PCDHGC3: variants seen among roughly 807,000 people sequenced by gnomAD.
The protein encoded by PCDHGC3 is protocadherin gamma subfamily C, 3.
In PCDHGC3, 26 loss-of-function variants were observed where a neutral mutation model predicts 59.2. The ratio of observed to expected loss-of-function variants is 0.44; its 90% CI spans 0.32 to 0.61. PCDHGC3 has a LOEUF of 0.61. PCDHGC3 is among the 20% of genes least tolerant of loss of function. The pLI is 0.05. For synonymous variants in PCDHGC3, 487 were observed against 519.7 expected, an observed-to-expected ratio of 0.94 and a Z score of 0.86; for missense variants, 1,080 against 1,221.8, an observed-to-expected ratio of 0.88 and a Z score of 1.73.
chr5:141,497,840 C>T (rs1326804289), intron 2 of PCDHGC3, among the ~76,000 whole-genome samples: 1 of 152,154 alleles, frequency 6.6e-6, no homozygotes, highest in Non-Finnish European at 1.5e-5. Context: ...CCGGCCACAA[C>T]AAACATTTTT....
At chr5:141,502,024 C>G (rs2099812413) in intron 2 of PCDHGC3, among the ~76,000 whole-genome samples, 1 of 152,152 alleles carries the variant, frequency 6.6e-6, no homozygotes, top group African/African-American at 2.4e-5. Context: ...TCCCTGCAAC[C>G]CCCGCCGCTT....
rs768079276 is a variant in PCDHGC3, at chr5:141,490,997, G to A, written c.2431-3810G>A. On this transcript the variant is annotated intron_variant, in intron 1 of 3. Transcript: ENST00000308177. The surrounding 1 kb of genome is among the most constrained non-coding windows in gnomAD (Gnocchi z 5.4). ...CGTCTCCCTCGCTCTGCTCCTCCTG[G>A]CTCCTTGGTCACCAAGGTGACAGCC... 1.2e-6 allele frequency: 2 copies of A among 1,614,032 alleles called. No individual in the cohort carries two copies. Among genetic ancestry groups the A allele is most frequent in the Admixed American group, 1.7e-5 (1 of 60,030 alleles).
Position 141,491,536 on chromosome 5 carries a change from C to T in PCDHGC3, c.2431-3271C>T, listed in dbSNP as rs746800813. 1.2e-6 allele frequency: 2 copies of T among 1,614,006 alleles called. No individual in the cohort carries two copies. Among genetic ancestry groups the T allele is most frequent in the Admixed American group, 3.3e-5 (2 of 60,030 alleles). On this transcript the variant is annotated intron_variant, in intron 1 of 3. Coordinates refer to ENST00000308177, the MANE Select transcript of PCDHGC3 (RefSeq NM_002588.4). This position sits in a 1 kb window ranked among gnomAD's most constrained non-coding sequence, Gnocchi z 6.9. ...CAAGTACATGGAGGTGACGCTGCGG[C>T]CCACAGACTCGCAGAGCCACTGCTA...
chr5:141,491,438 G>A lies in PCDHGC3; in HGVS notation c.2431-3369G>A, dbSNP rs376927300. The A allele has an allele frequency of 3.7e-6, 6 of 1,614,066 alleles. No homozygotes were observed. Among genetic ancestry groups the A allele is most frequent in the Admixed American group, 1.7e-5 (1 of 60,016 alleles). On this transcript the variant is annotated intron_variant, in intron 1 of 3. Coordinates refer to ENST00000308177, the MANE Select transcript of PCDHGC3 (RefSeq NM_002588.4). This position sits in a 1 kb window ranked among gnomAD's most constrained non-coding sequence, Gnocchi z 6.9. ...GGGGGTGGAGGGCAGTGCTGCAGGC[G>A]CCAGGACTCACCCTCCCCGGACTTC...
intron 1 of PCDHGC3, among the ~76,000 whole-genome samples, chr5:141,488,675 T>C (rs888235928): frequency 2.6e-5 from 4 of 152,116 alleles, no homozygotes; most frequent in Admixed American, 1.3e-4. Flanking sequence ...TACATGGGCT[T>C]TGCCTCTCCC....
intron 3 of PCDHGC3, among the ~76,000 whole-genome samples, chr5:141,506,879 G>T (rs958969109): frequency 6.6e-6 from 1 of 152,172 alleles, no homozygotes; most frequent in Non-Finnish European, 1.5e-5. Flanking sequence ...AGAACCAGGT[G>T]AAATCACAAG....
Position 141,491,670 on chromosome 5 carries a change from C to T in PCDHGC3, c.2431-3137C>T. The T allele has an allele frequency of 2.5e-6, 4 of 1,613,768 alleles. No individual in the cohort carries two copies. Among genetic ancestry groups the T allele is most frequent in the South Asian group, 1.1e-5 (1 of 91,082 alleles). On this transcript the variant is annotated intron_variant, in intron 1 of 3. Coordinates refer to ENST00000308177, the MANE Select transcript of PCDHGC3 (RefSeq NM_002588.4). The surrounding 1 kb of genome is among the most constrained non-coding windows in gnomAD (Gnocchi z 6.9). ...CGCTGGAGCCTGACGCCATCCGGTC[C>T]CGCTCTAATACGCTGCGGGAGCGGA...
In PCDHGC3 at chr5:141,489,645, C is replaced by T; in HGVS notation, c.2431-5162C>T. 1.2e-6 allele frequency: 2 copies of T among 1,614,156 alleles called. No homozygotes were observed. The highest frequency in any genetic ancestry group is 2.7e-5 in the African/African-American group (2 of 75,022). On this transcript the variant is annotated intron_variant, in intron 1 of 3. Transcript: ENST00000308177. This position sits in a 1 kb window ranked among gnomAD's most constrained non-coding sequence, Gnocchi z 4.5. ...ATGACAACTCTCCTAGCTTTGCCAC[C>T]CCTGAGCGAGAGATGCGCATCTCAG...
intron 2 of PCDHGC3, among the ~76,000 whole-genome samples, chr5:141,502,723 G>C (rs771399677): frequency 3.9e-5 from 6 of 152,124 alleles, no homozygotes; most frequent in Non-Finnish European, 8.8e-5. Flanking sequence ...TGATTACAAA[G>C]CGGTGATGTT....
chr5:141,485,247 G>T lies in PCDHGC3; in HGVS notation c.2430+6701G>T. On this transcript the variant is annotated intron_variant, in intron 1 of 3. Coordinates refer to ENST00000308177, the MANE Select transcript of PCDHGC3 (RefSeq NM_002588.4). The surrounding 1 kb of genome is among the most constrained non-coding windows in gnomAD (Gnocchi z 5.7). ...CTTTTGTTCCTCTTTTACCACCTGG[G>T]TTACGTTTGTGGGCAGATCCGCTAC... The T allele has an allele frequency of 2.5e-6, 4 of 1,614,156 alleles. No individual in the cohort carries two copies. The highest frequency in any genetic ancestry group is 3.4e-6 in the Non-Finnish European group (4 of 1,180,010).
intron 2 of PCDHGC3, among the ~76,000 whole-genome samples, chr5:141,503,334 C>T (rs2099819255): frequency 6.6e-6 from 1 of 152,072 alleles, no homozygotes; most frequent in Admixed American, 6.6e-5. Context: ...CGGTGGCTCA[C>T]GCCTGTAATT....
At chr5:141,483,648 T>TTGTGTGTGTGTGTG (rs111458813) in intron 1 of PCDHGC3, among the ~76,000 whole-genome samples, 2 of 149,592 alleles carry the variant, frequency 1.3e-5, no homozygotes, top group Non-Finnish European at 3.0e-5. Context: ...GGGTGTGTGT[T>TTGTGTGTGTGTGTG]TGTGTGTGTG....
intron 1 of PCDHGC3, among the ~76,000 whole-genome samples, chr5:141,481,692 G>A (rs1231630072): frequency 3.3e-5 from 5 of 152,020 alleles, no homozygotes; most frequent in East Asian, 1.9e-4. Context: ...GGTGGCTCAC[G>A]CCTGTAATCC....
At chr5:141,509,334 G>A (rs1184232270) in intron 3 of PCDHGC3, among the ~76,000 whole-genome samples, 1 of 152,186 alleles carries the variant, frequency 6.6e-6, no homozygotes, top group Non-Finnish European at 1.5e-5. Flanking sequence ...ACTGCCAGCT[G>A]GGCCTGGGCT....
chr5:141,493,937 A>G lies in PCDHGC3; in HGVS notation c.2431-870A>G, dbSNP rs931274307. Among the ~76,000 whole-genome samples the G allele has an allele frequency of 6.6e-6, 1 of 152,212 alleles. No individual in the cohort carries two copies. The highest frequency in any genetic ancestry group is 1.5e-5 in the Non-Finnish European group (1 of 68,022). ...GGATAACACACCCCCTGGAAAGACCAGAAGGGACTCAGGAATGAAGTGGCT... is the reference window on the plus strand; with the variant it reads ...GGATAACACACCCCCTGGAAAGACCGGAAGGGACTCAGGAATGAAGTGGCT... On this transcript the variant is annotated intron_variant, in intron 1 of 3. Coordinates refer to ENST00000308177, the MANE Select transcript of PCDHGC3 (RefSeq NM_002588.4). This position sits in a 1 kb window ranked among gnomAD's most constrained non-coding sequence, Gnocchi z 4.3.
chr5:141,482,160 T>G (rs577572891), intron 1 of PCDHGC3, among the ~76,000 whole-genome samples: 1 of 151,854 alleles, frequency 6.6e-6, no homozygotes, highest in Admixed American at 6.6e-5. Context: ...GTCAAAGATA[T>G]GTAAGATTAA....
rs374663576 is a variant in PCDHGC3 at position 141,489,905 on chromosome 5, G to A, written c.2431-4902G>A. The A allele has an allele frequency of 2.8e-4, 459 of 1,614,108 alleles. No homozygotes were observed. Among genetic ancestry groups the A allele is most frequent in the Non-Finnish European group, 3.4e-4 (405 of 1,180,054 alleles). On this transcript the variant is annotated intron_variant, in intron 1 of 3. Coordinates refer to ENST00000308177, the MANE Select transcript of PCDHGC3 (RefSeq NM_002588.4). The surrounding 1 kb of genome is among the most constrained non-coding windows in gnomAD (Gnocchi z 4.5). ...GCTGTGGATGGGGGGACCCCAGCCC[G>A]CTCAGGGACCACCCTTATCTCTGTC...
At chr5:141,504,288 GT>G (rs1175142876) in intron 2 of PCDHGC3, among the ~76,000 whole-genome samples, 1 of 152,124 alleles carries the variant, frequency 6.6e-6, no homozygotes, top group Non-Finnish European at 1.5e-5. Flanking sequence ...ATCATTTCAT[GT>G]TTTTTCAACA....
intron 2 of PCDHGC3, among the ~76,000 whole-genome samples, chr5:141,503,977 CCTT>C (rs1012021012): frequency 1.3e-5 from 2 of 152,250 alleles, no homozygotes; most frequent in Admixed American, 1.3e-4. Flanking sequence ...GGTGCCAAAC[CCTT>C]CTTCTTACCT....
Sources: gnomAD v4.1 joint callset for allele counts (sites outside exome capture counted in the v4.1 genomes callset) on GRCh38, gnomAD v4.1.1 for gene constraint, Gnocchi (gnomAD v3.1) non-coding constraint, MANE v1.5 for transcripts, NCBI Gene and HGNC (gene_info 2026-07-23, HGNC 2026-07-21) for gene names.